DCC: variants seen among roughly 807,000 people sequenced by gnomAD.
The protein encoded by DCC is netrin receptor DCC.
Under a neutral mutation model 172.5 loss-of-function variants are expected in DCC, and 58 were observed. The ratio of observed to expected loss-of-function variants is 0.34; its 90% CI spans 0.27 to 0.42. The LOEUF (loss-of-function observed/expected upper bound fraction) is 0.42, where lower values mean the gene tolerates loss of function less well. Ranked by LOEUF, DCC falls within the 10% of genes least tolerant of loss-of-function variation. The pLI, the probability that DCC is intolerant of heterozygous loss-of-function variation, is 1.00. For missense variants in DCC, 1,740 were observed against 1,791.0 expected, an observed-to-expected ratio of 0.97 and a Z score of 0.51; for synonymous variants, 709 against 644.5, an observed-to-expected ratio of 1.10 and a Z score of -1.52.
chr18:52,935,782 T>C (rs1235667105), intron 5 of DCC, among the ~76,000 whole-genome samples: 1 of 152,114 alleles, frequency 6.6e-6, no homozygotes, highest in East Asian at 1.9e-4. Flanking sequence ...TGGGAAGTAG[T>C]TATAATAAAA....
At chr18:53,509,847 C>T (rs1321195286) in intron 27 of DCC, among the ~76,000 whole-genome samples, 1 of 152,158 alleles carries the variant, frequency 6.6e-6, no homozygotes, top group African/African-American at 2.4e-5. Context: ...AAACCTTGTA[C>T]TGAAACAACT....
chr18:53,221,698 A>G (rs2055934742), intron 12 of DCC, among the ~76,000 whole-genome samples: 1 of 152,186 alleles, frequency 6.6e-6, no homozygotes, highest in Admixed American at 6.5e-5. Flanking sequence ...TAAAAAAATT[A>G]ATTTCCCTTT....
At chr18:52,864,767 A>C (rs980631538) in intron 2 of DCC, among the ~76,000 whole-genome samples, 3 of 151,384 alleles carry the variant, frequency 2.0e-5, no homozygotes, top group Non-Finnish European at 4.4e-5. Flanking sequence ...TATGAGTGAG[A>C]ACATGTGGTG....
chr18:52,781,356 A>AAGGTACTT (rs1287343204), intron 2 of DCC, among the ~76,000 whole-genome samples: 1 of 152,126 alleles, frequency 6.6e-6, no homozygotes, highest in East Asian at 1.9e-4. Context: ...ATTTCAGTTC[A>AAGGTACTT]AGGTACTTTG....
At chr18:52,894,184 G>T (rs934224242) in intron 2 of DCC, among the ~76,000 whole-genome samples, 2 of 152,050 alleles carry the variant, frequency 1.3e-5, no homozygotes, top group African/African-American at 2.4e-5. Flanking sequence ...CATCACTGAG[G>T]ATTACGCTAT....
chr18:53,299,872 ATT>A (rs2057112273), intron 12 of DCC, among the ~76,000 whole-genome samples: 1 of 152,166 alleles, frequency 6.6e-6, no homozygotes, highest in African/African-American at 2.4e-5. Context: ...AGTTTACCTG[ATT>A]TTACAAAGGT....
At chr18:53,057,079 T>TAAAAAAAAAAA (rs11316527) in intron 5 of DCC, among the ~76,000 whole-genome samples, 3 of 89,326 alleles carry the variant, frequency 3.4e-5, no homozygotes, top group Non-Finnish European at 6.4e-5. Flanking sequence ...CTTCTAAAAG[T>TAAAAAAAAAAA]AAAAAAAAAA....
chr18:52,961,051 CTA>C (rs1453158138), intron 5 of DCC, among the ~76,000 whole-genome samples: 2 of 151,986 alleles, frequency 1.3e-5, no homozygotes, highest in Non-Finnish European at 2.9e-5. Context: ...TTTAAAAACT[CTA>C]TGATACAGCA....
chr18:52,617,622 T>A (rs2034408008), intron 1 of DCC, among the ~76,000 whole-genome samples: 2 of 152,184 alleles, frequency 1.3e-5, no homozygotes, highest in African/African-American at 4.8e-5. Context: ...ATGTTTCTCT[T>A]CTCCTAACCC....
chr18:52,987,816 T>G (rs1273325127), intron 5 of DCC, among the ~76,000 whole-genome samples: 1 of 152,212 alleles, frequency 6.6e-6, no homozygotes, highest in Non-Finnish European at 1.5e-5. Flanking sequence ...ACACTGTGTT[T>G]CAACTCACAT....
chr18:53,087,852 T>A (rs9948038), intron 7 of DCC, among the ~76,000 whole-genome samples: 102,738 of 151,246 alleles, frequency 0.68, 36,456 homozygotes, highest in African/African-American at 0.87. Context: ...CCATTTATTA[T>A]ATAGGGAATC....
intron 9 of DCC, among the ~76,000 whole-genome samples, chr18:53,197,420 T>TG (rs386387724): frequency 8.7e-4 from 14 of 16,136 alleles, no homozygotes; most frequent in African/African-American, 3.6e-3. Context: ...TTTATTTTAG[T>TG]TTTTTTTTTT....
chr18:52,568,332 G>T (rs1398830490), intron 1 of DCC, among the ~76,000 whole-genome samples: 1 of 151,924 alleles, frequency 6.6e-6, no homozygotes, highest in Non-Finnish European at 1.5e-5. Flanking sequence ...TTCAACAAAT[G>T]AATGAAATAA....
rs1357930222 is a variant in DCC at position 53,305,454 on chromosome 18, G to A, written c.1912-124G>A. 5 of 758,254 alleles carry A rather than the reference G, an allele frequency of 6.6e-6. No homozygotes were observed. In the East Asian group the frequency reaches 1.0e-4, roughly 15 times the overall value. The allele number at this position is 758,254 out of a possible 1,614,324, so 47.0% of individuals were successfully genotyped here. On this transcript the variant is annotated intron_variant, in intron 12 of 28. Transcript: ENST00000442544. ...AAGAACGAATTTAATTTGTCTCTAA[G>A]TGGCAATCGCTAACACTTCTTGCTT...
chr18:53,337,302 C>A (rs919836256), intron 14 of DCC, among the ~76,000 whole-genome samples: 2 of 152,086 alleles, frequency 1.3e-5, no homozygotes, highest in Non-Finnish European at 2.9e-5. Flanking sequence ...AGTTTATTTT[C>A]TTAGTGTACG....
intron 15 of DCC, among the ~76,000 whole-genome samples, chr18:53,368,347 C>G (rs544775102): frequency 6.6e-6 from 1 of 152,198 alleles, no homozygotes; most frequent in East Asian, 1.9e-4. Context: ...ATTTTATCAG[C>G]TATATAACTT....
At chr18:52,642,580 T>A (rs1469469456) in intron 1 of DCC, among the ~76,000 whole-genome samples, 2 of 152,146 alleles carry the variant, frequency 1.3e-5, no homozygotes, top group African/African-American at 4.8e-5. Context: ...AATATGGCAC[T>A]CAGGAAATAT....
chr18:52,588,866 C>A (rs1238366243), intron 1 of DCC, among the ~76,000 whole-genome samples: 6 of 146,240 alleles, frequency 4.1e-5, no homozygotes, highest in African/African-American at 1.5e-4. Flanking sequence ...CCAACAGCAT[C>A]TTTTTTTTTT....
At chr18:52,505,158 C>T (rs1023109708) in intron 1 of DCC, among the ~76,000 whole-genome samples, 1 of 152,076 alleles carries the variant, frequency 6.6e-6, no homozygotes, top group Admixed American at 6.6e-5. Context: ...TTAAGTTTGT[C>T]GAAATTATCA....
Sources: allele counts gnomAD v4.1 joint callset (sites outside exome capture counted in the v4.1 genomes callset), GRCh38; gene constraint gnomAD v4.1.1; transcripts MANE v1.5; gene names NCBI Gene and HGNC (gene_info 2026-07-23, HGNC 2026-07-21).